FOXN2: variants seen among roughly 807,000 people sequenced by gnomAD.
FOXN2 encodes forkhead box N2.
Under a neutral mutation model 41.2 loss-of-function variants are expected in FOXN2, and 19 were observed. The observed-to-expected ratio is 0.46, with a 90% CI of 0.32 to 0.68. The LOEUF is 0.68. Ranked by LOEUF, FOXN2 falls within the 30% of genes least tolerant of loss-of-function variation. The pLI is 0.03. For missense variants in FOXN2, 587 were observed against 509.4 expected (o/e 1.15, Z -1.47); for synonymous variants, 195 against 176.8 (o/e 1.10, Z -0.82).
intron 2 of FOXN2, among the ~76,000 whole-genome samples, chr2:48,339,291 C>G (rs1449285904): frequency 6.6e-6 from 1 of 152,032 alleles, no homozygotes; most frequent in Non-Finnish European, 1.5e-5. Context: ...TTGTAATCCC[C>G]AAGTGTTGAG....
At chr2:48,342,501 T>C (rs1305751403) in intron 2 of FOXN2, among the ~76,000 whole-genome samples, 1 of 152,100 alleles carries the variant, frequency 6.6e-6, no homozygotes, top group Non-Finnish European at 1.5e-5. Flanking sequence ...CACATTTCCA[T>C]TTAGCTTTCC....
At chr2:48,339,015 G>A (rs1201977032) in intron 2 of FOXN2, among the ~76,000 whole-genome samples, 2 of 151,968 alleles carry the variant, frequency 1.3e-5, no homozygotes, top group Non-Finnish European at 2.9e-5. Context: ...AAAAAAATGG[G>A]CACAAGGCTT....
At position 48,334,778 on chromosome 2, in the gene FOXN2, T is replaced by G. The variant is rs188124664; in HGVS notation, c.-15+6076T>G. On this transcript the variant is annotated intron_variant, in intron 2 of 6. Coordinates refer to ENST00000340553, the MANE Select transcript of FOXN2 (RefSeq NM_002158.4). ...ATTTAGCAGGAAATAGTCTTCCTCA[T>G]TAATTTGGAGCCCCATTGTACTGTA... is the stretch of plus-strand genomic sequence containing the variant. 3.2e-4 allele frequency among the ~76,000 whole-genome samples: 49 copies of G among 152,314 alleles called. 1 individual carries two copies. The highest frequency in any genetic ancestry group is 6.6e-4 in the Non-Finnish European group (45 of 68,022).
At chr2:48,342,436 G>A (rs1030482240) in intron 2 of FOXN2, among the ~76,000 whole-genome samples, 1 of 152,102 alleles carries the variant, frequency 6.6e-6, no homozygotes, top group African/African-American at 2.4e-5. Flanking sequence ...TTTCACAAAA[G>A]TGACACATTT....
At position 48,362,718 on chromosome 2, in the gene FOXN2, A is replaced by C. The variant is rs1459019078; in HGVS notation, c.703+11A>C. The C allele has an allele frequency of 6.2e-7, 1 of 1,606,092 alleles. No homozygotes were observed. Among genetic ancestry groups the C allele is most frequent in the Non-Finnish European group, 8.5e-7 (1 of 1,172,698 alleles). ...TGCGAAACCTCAAAGGTATGTGTGA[A>C]TATCAGTACAGTCATGCACCACACA... On this transcript the variant is annotated intron_variant, in intron 5 of 6. Transcript: ENST00000340553.
intron 3 of FOXN2, among the ~76,000 whole-genome samples, chr2:48,351,783 C>G (rs191426511): frequency 1.6e-4 from 25 of 152,222 alleles, no homozygotes; most frequent in African/African-American, 5.8e-4. Flanking sequence ...AGGCCATGGA[C>G]CTGTACCGGT....
At chr2:48,367,395 T>C (rs906626777) in intron 5 of FOXN2, among the ~76,000 whole-genome samples, 2 of 152,138 alleles carry the variant, frequency 1.3e-5, no homozygotes, top group Admixed American at 1.3e-4. Context: ...CAAACAGATA[T>C]AAAATTAAGG....
chr2:48,327,284 A>G (rs1443694084), intron 1 of FOXN2, among the ~76,000 whole-genome samples: 1 of 152,134 alleles, frequency 6.6e-6, no homozygotes, highest in East Asian at 1.9e-4. Flanking sequence ...TAGAACTAAC[A>G]TCCACTCACT....
intron 4 of FOXN2, among the ~76,000 whole-genome samples, chr2:48,362,140 A>G (rs1031079157): frequency 1.3e-5 from 2 of 152,240 alleles, no homozygotes; most frequent in African/African-American, 4.8e-5. Flanking sequence ...GTTGTGATTT[A>G]CCTCTTTTGG....
intron 6 of FOXN2, among the ~76,000 whole-genome samples, chr2:48,374,077 A>G (rs138913882): frequency 3.0e-4 from 46 of 152,232 alleles, no homozygotes; most frequent in African/African-American, 1.1e-3. Context: ...CTCCAAAAAA[A>G]AAAAAGCATT....
At chr2:48,333,190 G>A (rs1232202770) in intron 2 of FOXN2, among the ~76,000 whole-genome samples, 1 of 152,008 alleles carries the variant, frequency 6.6e-6, no homozygotes, top group Non-Finnish European at 1.5e-5. Flanking sequence ...TGTAGTAGAA[G>A]CAAGAAGTTT....
intron 3 of FOXN2, among the ~76,000 whole-genome samples, chr2:48,355,283 G>A (rs1671717250): frequency 6.6e-6 from 1 of 152,186 alleles, no homozygotes; most frequent in Admixed American, 6.5e-5. Context: ...AATTAAGGAA[G>A]TGAGAGCTAG....
At chr2:48,374,484 T>G (rs1402212263) in intron 6 of FOXN2, among the ~76,000 whole-genome samples, 1 of 152,360 alleles carries the variant, frequency 6.6e-6, no homozygotes, top group Non-Finnish European at 1.5e-5. Flanking sequence ...ATACCAATTA[T>G]AATTTTAAAT....
At chr2:48,358,936 A>T in intron 3 of FOXN2, 111 bp from the exon 4 acceptor site, 1 of 755,014 alleles carries the variant, frequency 1.3e-6, no homozygotes, top group Non-Finnish European at 2.1e-6. Flanking sequence ...CCTTAGTTTC[A>T]TACTCAAAAG....
intron 6 of FOXN2, 101 bp from the exon 7 acceptor site, chr2:48,374,819 C>T (rs1673129183): frequency 1.0e-6 from 1 of 965,544 alleles, no homozygotes; most frequent in Non-Finnish European, 1.5e-6. Context: ...CATCATGAAT[C>T]TAAAACATTT....
rs749003879 is a variant in FOXN2 at position 48,374,928 on chromosome 2, C to G, written c.781C>G (p.Pro261Ala). Residue 261 changes from proline (P) to alanine (A), a missense_variant, in exon 7 of 7, where the codon CCT becomes GCT. By Grantham distance (27) the Pro-to-Ala change is conservative. Transcript: ENST00000340553. ...IEQGILECEKPLPLKTALQKK... is the reference protein window; with the variant it reads ...IEQGILECEKALPLKTALQKK... ...ACTTTTATTTTCCACAGGTGAGAAG[C>G]CTCTTCCTCTTAAAACAGCATTGCA... The G allele has an allele frequency of 2.5e-6, 4 of 1,608,256 alleles. No individual in the cohort carries two copies. Among genetic ancestry groups the G allele is most frequent in the Non-Finnish European group, 3.4e-6 (4 of 1,176,174 alleles).
intron 3 of FOXN2, among the ~76,000 whole-genome samples, chr2:48,348,993 G>A (rs1671283981): frequency 6.6e-6 from 1 of 152,180 alleles, no homozygotes; most frequent in East Asian, 1.9e-4. Flanking sequence ...AACAGGTTCT[G>A]CATGCCTGTG....
In FOXN2 at chr2:48,375,003, T is replaced by G; in HGVS notation, c.856T>G (p.Leu286Val). 6.2e-7 allele frequency: 1 copy of G among 1,614,042 alleles called. No individual in the cohort carries two copies. Residue 286 changes from leucine to valine, a missense_variant, in exon 7 of 7, where the codon TTA (leucine) becomes GTA (valine). Transcript: ENST00000340553. ...ATTTCATCATCCCAGTGCTGTACGA[T>G]TACAAGAGAGTGATTCTTTAGCCAC... The part of the protein sequence containing the change: ...NAFHHPSAVR[L>V]QESDSLATSI...
At chr2:48,355,160 T>C (rs1241311707) in intron 3 of FOXN2, among the ~76,000 whole-genome samples, 2 of 152,204 alleles carry the variant, frequency 1.3e-5, no homozygotes, top group Non-Finnish European at 2.9e-5. Flanking sequence ...ATATGTCCAA[T>C]AGTATGATTT....
Sources: allele counts gnomAD v4.1 joint callset (sites outside exome capture counted in the v4.1 genomes callset), GRCh38; gene constraint gnomAD v4.1.1; transcripts MANE v1.5; gene names NCBI Gene and HGNC (gene_info 2026-07-23, HGNC 2026-07-21).